Variants in DOCK6 observed in about 807,000 individuals in gnomAD.
DOCK6 encodes dedicator of cytokinesis 6.
A neutral mutation model predicts 230.3 loss-of-function variants in DOCK6; 167 were observed. That is an observed-to-expected ratio of 0.73 (90% CI 0.64 to 0.82). The LOEUF (loss-of-function observed/expected upper bound fraction) is 0.82. DOCK6 is among the 40% of genes least tolerant of loss of function. The pLI, the probability that DOCK6 is intolerant of heterozygous loss-of-function variation, is 0.00. For synonymous variants in DOCK6, 1,148 were observed against 1,185.0 expected (o/e 0.97, Z 0.64); for missense variants, 2,598 against 2,825.8 (o/e 0.92, Z 1.83).
chr19:11,235,468 C>G (rs927791588), intron 21 of DOCK6, 130 bp downstream of exon 21: 2 of 934,944 alleles, frequency 2.1e-6, no homozygotes, highest in Admixed American at 6.0e-5. Context: ...CCAAGTTGAT[C>G]TCGAACTCCT....
intron 9 of DOCK6, 55 bp downstream of exon 9, chr19:11,245,508 G>C: frequency 6.8e-7 from 1 of 1,479,524 alleles, no homozygotes; most frequent in Non-Finnish European, 9.2e-7. Context: ...TGAAGGCAGG[G>C]ACTAAATCAG....
chr19:11,246,458 C>T (rs890554246), intron 7 of DOCK6, among the ~76,000 whole-genome samples: 2 of 152,086 alleles, frequency 1.3e-5, no homozygotes, highest in Non-Finnish European at 2.9e-5. Context: ...CCCTGTTGCC[C>T]AGGCTGAAGT....
chr19:11,220,863 C>T (rs8100113), intron 28 of DOCK6, among the ~76,000 whole-genome samples: 6,227 of 142,216 alleles, frequency 0.044, 420 homozygotes, highest in African/African-American at 0.15. Flanking sequence ...CTCGCTCTGT[C>T]GCCCAGGCTG....
Position 11,245,624 on chromosome 19 carries a change from AG to A in DOCK6, c.961del (p.Leu321TrpfsTer9). ...CACAGAGAAGATGGCAGAGCGGGCC[AG>A]GGTGGAGATGGCAGGGTGGGTGCCA... is the stretch of plus-strand genomic sequence containing the variant. ...AHGTHPAIST[L>X]ARSAIFSVTY... is the part of the protein sequence containing the mutation. On this transcript the variant is annotated frameshift_variant, in exon 9 of 48. Transcript: ENST00000294618. LOFTEE classifies it high-confidence loss of function. 6.3e-7 allele frequency: 1 copy of A among 1,598,352 alleles called. No homozygotes were observed. The highest frequency in any genetic ancestry group is 8.5e-7 in the Non-Finnish European group (1 of 1,172,522).
Position 11,237,734 on chromosome 19 carries a change from G to A in DOCK6, c.1878C>T (p.Cys626=), listed in dbSNP as rs775068899. The change falls in exon 17 of 48, where the codon TGC becomes TGT. Residue 626 remains cysteine (C), a synonymous_variant. Transcript: ENST00000294618. ...ACAGCAGGTGATGGTTCTCTGTCACGCAGGCTGGAAGATGCAGCTTGAACT... is the reference window on the plus strand; with the variant it reads ...ACAGCAGGTGATGGTTCTCTGTCACACAGGCTGGAAGATGCAGCTTGAACT... The part of the protein sequence containing the change: ...YEEFKLHLPA[C]VTENHHLLFT... The A allele has an allele frequency of 8.9e-6, 14 of 1,580,046 alleles. 1 individual carries two copies. Among genetic ancestry groups the A allele is most frequent in the South Asian group, 7.0e-5 (6 of 85,934 alleles).
At chr19:11,260,079 C>G (rs907984162) in intron 1 of DOCK6, among the ~76,000 whole-genome samples, 2 of 151,940 alleles carry the variant, frequency 1.3e-5, no homozygotes, top group Non-Finnish European at 2.9e-5. Context: ...AATGGATGAA[C>G]AGATGAATAT....
rs2080076294 is a variant in DOCK6 at position 11,248,930 on chromosome 19, T to C, written c.721-779A>G. The stretch of plus-strand genomic sequence containing the variant: ...ATATACAGAAAGCATTCAATAAATG[T>C]TGACTGGAGATATAGGGATATACAC... On this transcript the variant is annotated intron_variant, in intron 6 of 47. Transcript: ENST00000294618. 3.3e-5 allele frequency among the ~76,000 whole-genome samples: 5 copies of C among 152,140 alleles called. No homozygotes were observed. In the South Asian group the frequency reaches 1.0e-3, roughly 32 times the overall value.
intron 13 of DOCK6, among the ~76,000 whole-genome samples, chr19:11,242,535 G>A (rs534163798): frequency 1.3e-5 from 2 of 152,006 alleles, no homozygotes; most frequent in South Asian, 4.2e-4. Flanking sequence ...GGGATTACAG[G>A]TGTGTGCCAC....
At position 11,215,419 on chromosome 19, in the gene DOCK6, T is replaced by C. The variant is rs1304612441; in HGVS notation, c.4074A>G (p.Thr1358=). Residue 1358 remains threonine, a synonymous_variant, in exon 32 of 48, where the codon ACA becomes ACG. Transcript: ENST00000294618. ...CGCGGTCTGAGGTTTGCTTCCAGTG[T>C]GTGACGCTCTTCCGCCAGCGCACAT... ...PENVRWRKSV[T]HWKQTSDRVD... 1 of 1,613,670 alleles carries C rather than the reference T, an allele frequency of 6.2e-7. No homozygotes were observed. Among genetic ancestry groups the C allele is most frequent in the Admixed American group, 1.7e-5 (1 of 59,978 alleles).
At chr19:11,260,885 A>AAAAAAAAAAAAAAAAAAAAAAAG (rs1555698780) in intron 1 of DOCK6, among the ~76,000 whole-genome samples, 23 of 126,132 alleles carry the variant, frequency 1.8e-4, no homozygotes, top group East Asian at 2.7e-4. Context: ...TCTGTCTCAA[A>AAAAAAAAAAAAAAAAAAAAAAAG]AAAAAAAAAA....
rs377251719 is a variant in DOCK6, at chr19:11,252,821, C to G, written c.270G>C (p.Arg90=). Residue 90 remains arginine (R), a synonymous_variant, in exon 3 of 48, where the codon CGG becomes CGC. Coordinates refer to ENST00000294618, the MANE Select transcript of DOCK6 (RefSeq NM_020812.4). The stretch of plus-strand genomic sequence containing the variant: ...TCCCGGGCTCCGTGGTCCGGCATTC[C>G]CGGGGCTGCAGCAGCAGCTCCAAGT... The part of the protein sequence containing the change: ...ADDLELLLQP[R]ECRTTEPGIP... The G allele has an allele frequency of 4.3e-6, 7 of 1,613,230 alleles. No homozygotes were observed. The African/African-American group carries it at 6.7e-5, about 15-fold the overall frequency.
At position 11,200,781 on chromosome 19, in the gene DOCK6, C is replaced by G. The variant is rs1364387061; in HGVS notation, c.5874G>C (p.Pro1958=). Residue 1958 remains proline, a synonymous_variant, in exon 46 of 48, where the codon CCG becomes CCC. Coordinates refer to ENST00000294618, the MANE Select transcript of DOCK6 (RefSeq NM_020812.4). The surrounding 1 kb of genome is among the most constrained non-coding windows in gnomAD (Gnocchi z 4.3). ...EVAQVFLAEI[P]EDPKLFRHHN... ...GATGCCGGAAGAGCTTGGGGTCTTCCGGGATCTCTGCTAAAAACACCTGGG... is the reference window on the plus strand; with the variant it reads ...GATGCCGGAAGAGCTTGGGGTCTTCGGGGATCTCTGCTAAAAACACCTGGG... 2.5e-6 allele frequency: 4 copies of G among 1,613,424 alleles called. No individual in the cohort carries two copies. In the South Asian group the frequency reaches 3.3e-5, roughly 13 times the overall value.
chr19:11,214,020 T>G (rs544396895), intron 34 of DOCK6, among the ~76,000 whole-genome samples: 1 of 151,950 alleles, frequency 6.6e-6, no homozygotes, highest in African/African-American at 2.4e-5. Flanking sequence ...TAGGCTCACA[T>G]GATCTTCCTG....
At position 11,211,295 on chromosome 19, in the gene DOCK6, C is replaced by T. The variant is rs560423654; in HGVS notation, c.4751+481G>A. 3.9e-5 allele frequency among the ~76,000 whole-genome samples: 6 copies of T among 152,032 alleles called. No individual in the cohort carries two copies. In the South Asian group the frequency reaches 1.0e-3, roughly 26 times the overall value. On this transcript the variant is annotated intron_variant, in intron 37 of 47. Transcript: ENST00000294618. Reference sequence around the variant, plus strand: ...TATCCACCTATCCCTCCCATATGCCCCACCTCCCCCATCTCCATCACCCGT... The same window carrying T: ...TATCCACCTATCCCTCCCATATGCCTCACCTCCCCCATCTCCATCACCCGT...
Position 11,249,173 on chromosome 19 carries a change from T to C in DOCK6, c.721-1022A>G, listed in dbSNP as rs1568261788. The stretch of plus-strand genomic sequence containing the variant: ...CATGTATTGAATAAATATAGGGATA[T>C]ACAGTTGGTACCCAATACATGCTTG... On this transcript the variant is annotated intron_variant, in intron 6 of 47. Coordinates refer to ENST00000294618, the MANE Select transcript of DOCK6 (RefSeq NM_020812.4). Among the ~76,000 whole-genome samples the C allele has an allele frequency of 2.6e-5, 4 of 152,200 alleles. 1 individual carries two copies. In the South Asian group the frequency reaches 6.2e-4, roughly 24 times the overall value.
chr19:11,261,868 G>T (rs966803938), intron 1 of DOCK6, among the ~76,000 whole-genome samples: 9 of 151,952 alleles, frequency 5.9e-5, no homozygotes, highest in African/African-American at 1.7e-4. Flanking sequence ...CTGGGCACTG[G>T]ACCCTGGAGG....
In DOCK6 at chr19:11,236,466, G is replaced by A. The variant is rs764331027; in HGVS notation, c.2272C>T (p.Arg758Trp). Reference sequence around the variant, plus strand: ...AGGCGCAGTGCTGCAAGACTGGCCCGCAGCTCCTGCTCCACGTTGCCCTCG... The same window carrying A: ...AGGCGCAGTGCTGCAAGACTGGCCCACAGCTCCTGCTCCACGTTGCCCTCG... ...LSEGNVEQEL[R>W]ASLAALRLAS... The change falls in exon 20 of 48, where the codon CGG becomes TGG. Residue 758 changes from arginine to tryptophan, a missense_variant. Transcript: ENST00000294618. This position sits in a 1 kb window ranked among gnomAD's most constrained non-coding sequence, Gnocchi z 5.2. The A allele has an allele frequency of 3.8e-6, 6 of 1,595,176 alleles. No individual in the cohort carries two copies. The highest frequency in any genetic ancestry group is 3.5e-5 in the Admixed American group (2 of 56,968).
At chr19:11,253,840 C>T in intron 1 of DOCK6, 114 bp from the exon 2 acceptor site, 2 of 739,910 alleles carry the variant, frequency 2.7e-6, no homozygotes, top group South Asian at 1.9e-5. Context: ...GGCCGAGGGC[C>T]AAGAGAACCA....
intron 1 of DOCK6, among the ~76,000 whole-genome samples, chr19:11,257,482 TAAA>T (rs35933920): frequency 3.8e-5 from 3 of 78,628 alleles, no homozygotes; most frequent in African/African-American, 9.9e-5. Flanking sequence ...CACTGTCTCT[TAAA>T]AAAAAAAAAA....
Sources: gnomAD v4.1 joint callset for allele counts (sites outside exome capture counted in the v4.1 genomes callset) on GRCh38, gnomAD v4.1.1 for gene constraint, Gnocchi (gnomAD v3.1) non-coding constraint, MANE v1.5 for transcripts, NCBI Gene and HGNC (gene_info 2026-07-23, HGNC 2026-07-21) for gene names.